Variants in TET2 observed in about 807,000 individuals in gnomAD.
TET2 encodes tet methylcytosine dioxygenase 2.
TET2 carries 299 observed loss-of-function variants against 142.9 expected under a neutral mutation model. The ratio of observed to expected loss-of-function variants is 2.09; its 90% CI spans 1.90 to 2.30. The LOEUF (loss-of-function observed/expected upper bound fraction) is 2.30, where lower values mean the gene tolerates loss of function less well. TET2 is among the 30% of genes most tolerant of loss of function. TET2 has a pLI of 0.00. For missense variants in TET2, 2,418 were observed against 2,378.0 expected, an observed-to-expected ratio of 1.02 and a Z score of -0.35; for synonymous variants, 819 against 849.0, an observed-to-expected ratio of 0.96 and a Z score of 0.61.
chr4:105,181,275 A>G (rs1725107658), intron 1 of TET2, among the ~76,000 whole-genome samples: 1 of 152,100 alleles, frequency 6.6e-6, no homozygotes, highest in Non-Finnish European at 1.5e-5. Context: ...TTTAGTCACA[A>G]TATGCTTTTT....
Position 105,187,633 on chromosome 4 carries a change from C to T in TET2, c.-192-2727C>T, listed in dbSNP as rs571052621. The stretch of plus-strand genomic sequence containing the variant: ...ATCACTATAATTGAATTTCTTTTTT[C>T]TTCTTACATTTAAAATGTTACTAAA... On this transcript the variant is annotated intron_variant, in intron 1 of 10. Coordinates refer to ENST00000380013, the MANE Select transcript of TET2 (RefSeq NM_001127208.3). 2.0e-5 allele frequency among the ~76,000 whole-genome samples: 3 copies of T among 152,186 alleles called. No homozygotes were observed. In the South Asian group the frequency reaches 6.2e-4, roughly 32 times the overall value.
intron 1 of TET2, among the ~76,000 whole-genome samples, chr4:105,175,007 C>A (rs1383113287): frequency 6.6e-6 from 1 of 152,112 alleles, no homozygotes. Context: ...CCTAGGGGAA[C>A]TGAGAAAACT....
At chr4:105,159,893 A>G (rs1204207396) in intron 1 of TET2, among the ~76,000 whole-genome samples, 1 of 152,058 alleles carries the variant, frequency 6.6e-6, no homozygotes. Context: ...AATCCCAGCT[A>G]CTTGGGAGAC....
chr4:105,233,138 C>G (rs1728601924), intron 2 of TET2, among the ~76,000 whole-genome samples: 3 of 152,014 alleles, frequency 2.0e-5, no homozygotes, highest in Admixed American at 2.0e-4. Context: ...AATCCCAGCA[C>G]TTTGGGAGGC....
At chr4:105,198,820 G>A (rs976466477) in intron 2 of TET2, among the ~76,000 whole-genome samples, 5 of 152,162 alleles carry the variant, frequency 3.3e-5, no homozygotes, top group Non-Finnish European at 7.4e-5. Context: ...TGTGGGAGTC[G>A]AGTAGTCAGA....
At chr4:105,184,512 C>A (rs933587735) in intron 1 of TET2, among the ~76,000 whole-genome samples, 1 of 152,152 alleles carries the variant, frequency 6.6e-6, no homozygotes, top group African/African-American at 2.4e-5. Flanking sequence ...ACACTGAGTT[C>A]TTTACTGGGA....
rs1728964787 is a variant in TET2 at position 105,236,892 on chromosome 4, G to A, written c.2950G>A (p.Glu984Lys). ...HSQMHRPIKV[E>K]PGCKPHACMH... ...TCAGATGCACAGGCCAATTAAGGTG[G>A]AACCTGGATGCAAGCCACATGCCTG... is the stretch of plus-strand genomic sequence containing the variant. Residue 984 changes from glutamate (E) to lysine (K), a missense_variant, in exon 3 of 11, where the codon GAA (glutamate) becomes AAA (lysine). Physicochemically the swap from Glu to Lys is moderately conservative, Grantham distance 56. Coordinates refer to ENST00000380013, the MANE Select transcript of TET2 (RefSeq NM_001127208.3). 6.2e-7 allele frequency: 1 copy of A among 1,613,974 alleles called. No homozygotes were observed. Among genetic ancestry groups the A allele is most frequent in the Non-Finnish European group, 8.5e-7 (1 of 1,180,018 alleles).
Position 105,269,725 on chromosome 4 carries a change from A to G in TET2, c.4160A>G (p.Asn1387Ser), listed in dbSNP as rs1422916349. The G allele has an allele frequency of 3.9e-6, 6 of 1,551,572 alleles. No homozygotes were observed. The highest frequency in any genetic ancestry group is 1.4e-5 in the African/African-American group (1 of 73,054). Residue 1387 changes from asparagine (N) to serine (S), a missense_variant, in exon 9 of 11, where the codon AAC becomes AGC. Physicochemically the swap from Asn to Ser is conservative, Grantham distance 46. Coordinates refer to ENST00000380013, the MANE Select transcript of TET2 (RefSeq NM_001127208.3). Reference sequence around the variant, plus strand: ...GCTCATGCCCACAGAGACTTGCACAACATGCAGAATGGCAGCACATTGGTA... The same window carrying G: ...GCTCATGCCCACAGAGACTTGCACAGCATGCAGAATGGCAGCACATTGGTA... ...FCAHAHRDLH[N>S]MQNGSTLVCT...
chr4:105,185,262 T>A (rs893533074), intron 1 of TET2, among the ~76,000 whole-genome samples: 1 of 152,158 alleles, frequency 6.6e-6, no homozygotes, highest in Admixed American at 6.5e-5. Context: ...ATGAAATGTT[T>A]CACTGAATCT....
rs1728743893 is a variant in TET2, at chr4:105,234,878, T to TA, written c.937dup (p.Thr313AsnfsTer18). The stretch of plus-strand genomic sequence containing the variant: ...CCAGTAAACTAGCTGCAATGCTAAA[T>TA]ACCTGTTCCTTTCAGAAACCAGAAC... On this transcript the variant is annotated frameshift_variant, in exon 3 of 11. Transcript: ENST00000380013. LOFTEE classifies it high-confidence loss of function. 6.2e-7 allele frequency: 1 copy of TA among 1,613,992 alleles called. No homozygotes were observed. Among genetic ancestry groups the TA allele is most frequent in the African/African-American group, 1.3e-5 (1 of 74,936 alleles).
rs548042225 is a variant in TET2, at chr4:105,275,357, A to G, written c.4847A>G (p.Asn1616Ser). The G allele has an allele frequency of 1.9e-6, 3 of 1,551,516 alleles. No individual in the cohort carries two copies. In the East Asian group the frequency reaches 7.3e-5, roughly 38 times the overall value. Residue 1616 changes from asparagine (N) to serine (S), a missense_variant, in exon 11 of 11, where the codon AAC becomes AGC. Coordinates refer to ENST00000380013, the MANE Select transcript of TET2 (RefSeq NM_001127208.3). ...TATTTGAATTCTTCTAATCCCATGAACCCTTACCCTGGGCTTTTGAATCAG... is the reference window on the plus strand; with the variant it reads ...TATTTGAATTCTTCTAATCCCATGAGCCCTTACCCTGGGCTTTTGAATCAG... ...GSYLNSSNPM[N>S]PYPGLLNQNT...
At chr4:105,224,507 G>A (rs550328664) in intron 2 of TET2, among the ~76,000 whole-genome samples, 7 of 152,078 alleles carry the variant, frequency 4.6e-5, no homozygotes, top group African/African-American at 1.4e-4. Context: ...TCAGAGAGGC[G>A]GGAGAAGGAA....
intron 2 of TET2, among the ~76,000 whole-genome samples, chr4:105,192,090 G>A (rs950209244): frequency 6.6e-6 from 1 of 151,900 alleles, no homozygotes; most frequent in Non-Finnish European, 1.5e-5. Flanking sequence ...TTTTAAGATG[G>A]AATTTTCCTC....
chr4:105,191,202 A>T (rs1050700784), intron 2 of TET2, among the ~76,000 whole-genome samples: 4 of 152,196 alleles, frequency 2.6e-5, no homozygotes, highest in Non-Finnish European at 4.4e-5. Context: ...GATTTTCTGA[A>T]AATACAAAAG....
chr4:105,275,426 T>G lies in TET2; in HGVS notation c.4916T>G (p.Val1639Gly). Residue 1639 changes from valine (V) to glycine (G), a missense_variant, in exon 11 of 11, where the codon GTG becomes GGG. Transcript: ENST00000380013. ...TATCAATGCAATGGAAACCTATCAG[T>G]GGACAACTGCTCCCCATATCTGGGT... ...PSYQCNGNLSVDNCSPYLGSY... is the reference protein window; with the variant it reads ...PSYQCNGNLSGDNCSPYLGSY... 6.4e-7 allele frequency: 1 copy of G among 1,551,644 alleles called. No individual in the cohort carries two copies. Among genetic ancestry groups the G allele is most frequent in the Non-Finnish European group, 8.7e-7 (1 of 1,146,966 alleles).
At chr4:105,212,224 T>C (rs568626985) in intron 2 of TET2, among the ~76,000 whole-genome samples, 1 of 152,328 alleles carries the variant, frequency 6.6e-6, no homozygotes, top group Admixed American at 6.5e-5. Flanking sequence ...AGGTTACCCA[T>C]AGTTGTAATG....
chr4:105,225,967 T>C (rs1043941261), intron 2 of TET2, among the ~76,000 whole-genome samples: 1 of 152,162 alleles, frequency 6.6e-6, no homozygotes, highest in South Asian at 2.1e-4. Flanking sequence ...TTACGTTTTC[T>C]TTTTTATTCT....
chr4:105,213,528 C>A (rs1370378235), intron 2 of TET2, among the ~76,000 whole-genome samples: 1 of 152,190 alleles, frequency 6.6e-6, no homozygotes, highest in African/African-American at 2.4e-5. Context: ...CTATGCTTGA[C>A]CAAATGGACT....
At chr4:105,203,291 A>G (rs1240366969) in intron 2 of TET2, among the ~76,000 whole-genome samples, 1 of 152,234 alleles carries the variant, frequency 6.6e-6, no homozygotes, top group Non-Finnish European at 1.5e-5. Context: ...TTTGGCCTAT[A>G]TAATTACATT....
Sources: gnomAD v4.1 joint callset for allele counts (sites outside exome capture counted in the v4.1 genomes callset) on GRCh38, gnomAD v4.1.1 for gene constraint, MANE v1.5 for transcripts, NCBI Gene and HGNC (gene_info 2026-07-23, HGNC 2026-07-21) for gene names.